The following SPOCK1 variants were observed in gnomAD, a reference collection of about 807,000 sequenced individuals.
SPOCK1 encodes SPARC (osteonectin), cwcv and kazal like domains proteoglycan 1.
SPOCK1 carries 23 observed loss-of-function variants against 55.3 expected under a neutral mutation model. That is an observed-to-expected ratio of 0.42 (90% CI 0.30 to 0.59). The LOEUF (loss-of-function observed/expected upper bound fraction) is 0.59, where lower values mean the gene tolerates loss of function less well. Ranked by LOEUF, SPOCK1 falls within the 20% of genes least tolerant of loss-of-function variation. The probability of loss-of-function intolerance (pLI) is 0.22; values close to 1 mark genes in which losing one functional copy is unlikely to be tolerated. For missense variants in SPOCK1, 499 were observed against 552.5 expected (o/e 0.90, Z 0.97); for synonymous variants, 226 against 221.0 (o/e 1.02, Z -0.20).
At chr5:137,210,094 C>T (rs1755584181) in intron 3 of SPOCK1, among the ~76,000 whole-genome samples, 1 of 152,138 alleles carries the variant, frequency 6.6e-6, no homozygotes, top group Non-Finnish European at 1.5e-5. Flanking sequence ...TATAAAATTT[C>T]AGGGTGACAC....
chr5:137,266,025 T>C (rs981900350), intron 3 of SPOCK1, among the ~76,000 whole-genome samples: 2 of 152,286 alleles, frequency 1.3e-5, no homozygotes, highest in Admixed American at 6.5e-5. Context: ...TAAATGTATA[T>C]ATGGCAATTT....
intron 2 of SPOCK1, among the ~76,000 whole-genome samples, chr5:137,427,082 C>T (rs887982557): frequency 1.3e-5 from 2 of 152,164 alleles, no homozygotes; most frequent in Admixed American, 6.5e-5. Context: ...CCAGGTCGAA[C>T]GGTTAAGAGA....
chr5:137,034,155 G>A (rs1311717240), intron 6 of SPOCK1, among the ~76,000 whole-genome samples: 1 of 152,212 alleles, frequency 6.6e-6, no homozygotes, highest in Non-Finnish European at 1.5e-5. Flanking sequence ...CTGCCCTGGA[G>A]GACAGGCTGC....
chr5:137,397,894 A>C (rs548987784), intron 2 of SPOCK1, among the ~76,000 whole-genome samples: 4 of 152,298 alleles, frequency 2.6e-5, no homozygotes, highest in African/African-American at 9.6e-5. Context: ...CCAGCACTAC[A>C]CTCAGCATAT....
chr5:137,426,272 A>T (rs1267948759), intron 2 of SPOCK1, among the ~76,000 whole-genome samples: 1 of 152,222 alleles, frequency 6.6e-6, no homozygotes, highest in Non-Finnish European at 1.5e-5. Flanking sequence ...ACCATGGCAT[A>T]ACTTTTTTAC....
chr5:137,362,618 G>T (rs181852312), intron 2 of SPOCK1, among the ~76,000 whole-genome samples: 1 of 151,990 alleles, frequency 6.6e-6, no homozygotes, highest in African/African-American at 2.4e-5. Flanking sequence ...ATGAGCCACC[G>T]CGCCCGGCCA....
chr5:137,350,538 C>T (rs1750655167), intron 2 of SPOCK1, among the ~76,000 whole-genome samples: 1 of 152,128 alleles, frequency 6.6e-6, no homozygotes, highest in South Asian at 2.1e-4. Flanking sequence ...TGTCTGGCAC[C>T]TGTAGGAGTG....
intron 3 of SPOCK1, among the ~76,000 whole-genome samples, chr5:137,208,665 A>C (rs1755560440): frequency 6.6e-6 from 1 of 152,204 alleles, no homozygotes; most frequent in Non-Finnish European, 1.5e-5. Context: ...GTGGGTACTC[A>C]TGGATGCAAA....
intron 2 of SPOCK1, among the ~76,000 whole-genome samples, chr5:137,360,363 G>A (rs1237994802): frequency 6.6e-6 from 1 of 152,204 alleles, no homozygotes; most frequent in Non-Finnish European, 1.5e-5. Flanking sequence ...ACAGTCATCT[G>A]GACCCACATG....
chr5:137,414,096 T>C (rs1445478828), intron 2 of SPOCK1, among the ~76,000 whole-genome samples: 5 of 152,240 alleles, frequency 3.3e-5, no homozygotes, highest in Non-Finnish European at 5.9e-5. Flanking sequence ...CAAGAAAATG[T>C]TTTGTCCTGC....
chr5:137,052,143 A>G (rs949324696), intron 6 of SPOCK1, among the ~76,000 whole-genome samples: 3 of 152,206 alleles, frequency 2.0e-5, no homozygotes, highest in African/African-American at 7.2e-5. Flanking sequence ...ATCTTGGACC[A>G]TGAGGCAGAC....
In SPOCK1 at chr5:137,182,362, C is replaced by T. The variant is rs147832195; in HGVS notation, c.233-41668G>A. 5.7e-3 allele frequency among the ~76,000 whole-genome samples: 863 copies of T among 152,326 alleles called. 9 individuals are homozygous for T. The highest frequency in any genetic ancestry group is 0.019 in the African/African-American group (809 of 41,566). On this transcript the variant is annotated intron_variant, in intron 3 of 10. Transcript: ENST00000394945. ...TCCCCAGGCTGAATCTTAACTCATT[C>T]TTCAAAACAAAACTCAGACATTTCC...
chr5:137,044,907 T>G (rs1752081857), intron 6 of SPOCK1, among the ~76,000 whole-genome samples: 1 of 145,594 alleles, frequency 6.9e-6, no homozygotes, highest in Non-Finnish European at 1.5e-5. Context: ...GGTTTTTTGT[T>G]CTTGCGATAG....
chr5:136,988,501 A>T lies in SPOCK1; in HGVS notation c.849T>A (p.Pro283=). The T allele has an allele frequency of 6.2e-7, 1 of 1,614,194 alleles. No individual in the cohort carries two copies. Among genetic ancestry groups the T allele is most frequent in the Non-Finnish European group, 8.5e-7 (1 of 1,180,014 alleles). The stretch of plus-strand genomic sequence containing the variant: ...TGAAGGAGTCACACGAGTTGAAAAG[A>T]GGCTTGATACAGGGCTCGTACTTAT... The part of the protein sequence containing the change: ...YLDKYEPCIK[P]LFNSCDSFKD... Residue 283 remains proline (P), a synonymous_variant, in exon 8 of 11, where the codon CCT becomes CCA. Transcript: ENST00000394945.
intron 5 of SPOCK1, among the ~76,000 whole-genome samples, chr5:137,106,163 C>T (rs1753364498): frequency 6.7e-6 from 1 of 150,120 alleles, no homozygotes; most frequent in African/African-American, 2.5e-5. Context: ...CAGTAGCAAC[C>T]TCCTCCTCTG....
chr5:137,138,203 C>G (rs1754025357), intron 4 of SPOCK1, among the ~76,000 whole-genome samples: 1 of 152,210 alleles, frequency 6.6e-6, no homozygotes, highest in Non-Finnish European at 1.5e-5. Flanking sequence ...AGATGGGTCT[C>G]CTTCCCAAAT....
chr5:137,087,869 C>G (rs554618123), intron 5 of SPOCK1, among the ~76,000 whole-genome samples: 1 of 52,828 alleles, frequency 1.9e-5, no homozygotes, highest in East Asian at 0.12. Flanking sequence ...AAGGGAAACA[C>G]AGGGGTGGGC....
intron 6 of SPOCK1, among the ~76,000 whole-genome samples, chr5:136,995,566 A>G (rs2347952): frequency 0.23 from 35,345 of 152,152 alleles, 6,074 homozygotes; most frequent in East Asian, 0.63. Flanking sequence ...GAAAATGGGA[A>G]ACTAATAGCC....
intron 7 of SPOCK1, among the ~76,000 whole-genome samples, chr5:136,989,041 A>G (rs1750898206): frequency 6.6e-6 from 1 of 152,270 alleles, no homozygotes; most frequent in Non-Finnish European, 1.5e-5. Flanking sequence ...GAAAACCAAA[A>G]TAAAATATTT....
Sources: allele counts gnomAD v4.1 joint callset (sites outside exome capture counted in the v4.1 genomes callset), GRCh38; gene constraint gnomAD v4.1.1; transcripts MANE v1.5; gene names NCBI Gene and HGNC (gene_info 2026-07-23, HGNC 2026-07-21).